The following ZC3H11A variants were observed in gnomAD, a reference collection of about 807,000 sequenced individuals.
ZC3H11A encodes the protein zinc finger CCCH-type containing 11A.
A neutral mutation model predicts 90.8 loss-of-function variants in ZC3H11A; 22 were observed. The observed-to-expected ratio is 0.24, with a 90% CI of 0.17 to 0.35. The LOEUF is 0.35. Among genes scored for constraint, ZC3H11A ranks in the 10% least tolerant of loss-of-function variants. ZC3H11A has a pLI of 1.00. For synonymous variants in ZC3H11A, 294 were observed against 339.8 expected, an observed-to-expected ratio of 0.87 and a Z score of 1.48; for missense variants, 701 against 964.9, an observed-to-expected ratio of 0.73 and a Z score of 3.62.
intron 2 of ZC3H11A, among the ~76,000 whole-genome samples, chr1:203,816,268 C>A (rs1362029633): frequency 1.3e-5 from 2 of 152,086 alleles, no homozygotes; most frequent in East Asian, 3.8e-4. Context: ...TGTATGTAGT[C>A]TTTTGAGACT....
At chr1:203,807,047 T>A (rs1302773526) in intron 2 of ZC3H11A, among the ~76,000 whole-genome samples, 4 of 152,020 alleles carry the variant, frequency 2.6e-5, no homozygotes, top group Non-Finnish European at 5.9e-5. Context: ...GTGTTATTTA[T>A]TTTATTTCAA....
At chr1:203,848,807 A>T (rs1026911409) in intron 14 of ZC3H11A, among the ~76,000 whole-genome samples, 1 of 152,178 alleles carries the variant, frequency 6.6e-6, no homozygotes, top group African/African-American at 2.4e-5. Context: ...GCATCATACA[A>T]AAGTTGGAAA....
intron 14 of ZC3H11A, among the ~76,000 whole-genome samples, chr1:203,849,126 C>T (rs1425071785): frequency 2.0e-5 from 3 of 152,334 alleles, no homozygotes; most frequent in East Asian, 3.9e-4. Flanking sequence ...TTCAAGTGAT[C>T]TGCCTGCCTT....
At chr1:203,818,434 A>C in intron 3 of ZC3H11A, 136 bp from the exon 4 acceptor site, 1 of 1,153,234 alleles carries the variant, frequency 8.7e-7, no homozygotes, top group Admixed American at 2.5e-5. Context: ...CTGTCATTCC[A>C]TGTCCATTGT....
At chr1:203,840,443 G>C in intron 12 of ZC3H11A, 69 bp downstream of exon 12, 1 of 1,474,632 alleles carries the variant, frequency 6.8e-7, no homozygotes, top group Non-Finnish European at 9.3e-7. Context: ...CTTTTTCTCA[G>C]ATTTACCTGT....
chr1:203,821,710 A>G (rs1056212503), intron 4 of ZC3H11A, among the ~76,000 whole-genome samples: 1 of 151,820 alleles, frequency 6.6e-6, no homozygotes, highest in Non-Finnish European at 1.5e-5. Flanking sequence ...GCTGAGGAAT[A>G]TATAAATGTA....
intron 12 of ZC3H11A, among the ~76,000 whole-genome samples, chr1:203,840,992 A>C (rs1357828984): frequency 2.6e-5 from 4 of 152,174 alleles, no homozygotes; most frequent in African/African-American, 9.7e-5. Flanking sequence ...AGATAAAATT[A>C]TGATAGTTAT....
chr1:203,843,427 C>G (rs1373950772), intron 12 of ZC3H11A, among the ~76,000 whole-genome samples: 1 of 152,152 alleles, frequency 6.6e-6, no homozygotes, highest in Admixed American at 6.5e-5. Context: ...GGACATATGC[C>G]TGCATGTCTC....
chr1:203,847,775 C>G lies in ZC3H11A; in HGVS notation c.1546+88C>G, dbSNP rs1001832235. 24 of 1,521,544 alleles carry G rather than the reference C, an allele frequency of 1.6e-5. No individual in the cohort carries two copies. The African/African-American group carries it at 3.2e-4, about 20-fold the overall frequency. The allele number at this position is 1,521,544 out of a possible 1,614,324, so 94.3% of individuals were successfully genotyped here. A position where few individuals can be genotyped will look rare whatever the true frequency, so the allele number is the denominator to read the frequency against. On this transcript the variant is annotated intron_variant, in intron 13 of 17. Coordinates refer to ENST00000367210, the MANE Select transcript of ZC3H11A (RefSeq NM_001376342.1). The stretch of plus-strand genomic sequence containing the variant: ...TGGGATCTTCCTAGGAGTTGTTTGA[C>G]AACCTTTCTTTACTCAGATAACGTT...
intron 12 of ZC3H11A, among the ~76,000 whole-genome samples, chr1:203,844,376 T>TCTC (rs1687321557): frequency 6.6e-6 from 1 of 151,960 alleles, no homozygotes; most frequent in Non-Finnish European, 1.5e-5. Context: ...GCCAGGCTAG[T>TCTC]CTCCAACTCC....
At chr1:203,809,921 T>G (rs1215740495) in intron 2 of ZC3H11A, among the ~76,000 whole-genome samples, 1 of 152,094 alleles carries the variant, frequency 6.6e-6, no homozygotes, top group Non-Finnish European at 1.5e-5. Flanking sequence ...GCAACTGCAC[T>G]CCAGGTTTGG....
At chr1:203,805,822 C>T (rs1393378134) in intron 2 of ZC3H11A, 11 of 877,622 alleles carry the variant, frequency 1.3e-5, no homozygotes, top group East Asian at 6.3e-5. Flanking sequence ...GCCATAACTG[C>T]GACTCAGTGC....
intron 8 of ZC3H11A, 55 bp from the exon 9 acceptor site, chr1:203,831,606 G>C (rs553048125): frequency 6.0e-6 from 9 of 1,499,548 alleles, no homozygotes; most frequent in Non-Finnish European, 8.2e-6. Flanking sequence ...TTTTTGACTT[G>C]GGATAGCATT....
intron 12 of ZC3H11A, among the ~76,000 whole-genome samples, chr1:203,846,115 CAAAAAAAAAA>C (rs34793133): frequency 1.9e-5 from 1 of 53,182 alleles, no homozygotes. Context: ...TCGTCTTTAC[CAAAAAAAAAA>C]AAAAAAAAAA....
At chr1:203,797,585 T>G in intron 1 of ZC3H11A, 1 of 1,534,320 alleles carries the variant, frequency 6.5e-7, no homozygotes, top group Non-Finnish European at 8.7e-7. Flanking sequence ...GATGCAACAC[T>G]TTTAGTGATT....
intron 2 of ZC3H11A, among the ~76,000 whole-genome samples, chr1:203,812,071 C>T (rs972025791): frequency 6.6e-6 from 1 of 152,264 alleles, no homozygotes; most frequent in African/African-American, 2.4e-5. Context: ...CCCACCTCGG[C>T]CTCCCAAAGT....
At chr1:203,817,341 G>A (rs1435674665) in intron 3 of ZC3H11A, among the ~76,000 whole-genome samples, 6 of 152,044 alleles carry the variant, frequency 3.9e-5, no homozygotes, top group Non-Finnish European at 7.4e-5. Flanking sequence ...TTGTACAAAA[G>A]TGAAAAGGCA....
chr1:203,815,389 T>TA (rs1676031875), intron 2 of ZC3H11A, among the ~76,000 whole-genome samples: 1 of 146,672 alleles, frequency 6.8e-6, no homozygotes, highest in African/African-American at 2.5e-5. Context: ...CTTTTTTTTT[T>TA]TTTTTTTTTT....
At chr1:203,837,797 G>A (rs1684848563) in intron 10 of ZC3H11A, among the ~76,000 whole-genome samples, 169 bp from the exon 11 acceptor site, 2 of 152,172 alleles carry the variant, frequency 1.3e-5, no homozygotes, top group Middle Eastern at 3.4e-3. Context: ...TCTTTTCTCC[G>A]ACATTTTTAT....
Sources: gnomAD v4.1 joint callset for allele counts (sites outside exome capture counted in the v4.1 genomes callset) on GRCh38, gnomAD v4.1.1 for gene constraint, MANE v1.5 for transcripts, NCBI Gene and HGNC (gene_info 2026-07-23, HGNC 2026-07-21) for gene names.